Variants in GPC5 observed in about 807,000 individuals in gnomAD.
GPC5 encodes glypican 5, also known as glypican-5.
Under a neutral mutation model 53.9 loss-of-function variants are expected in GPC5, and 47 were observed. That is an observed-to-expected ratio of 0.87 (90% CI 0.69 to 1.11). The LOEUF is 1.11. Among genes scored for constraint, GPC5 ranks in the 50% most tolerant of loss-of-function variants. GPC5 has a pLI of 0.00. For missense variants in GPC5, 748 were observed against 713.1 expected (o/e 1.05, Z -0.56); for synonymous variants, 286 against 263.3 (o/e 1.09, Z -0.84).
chr13:92,351,839 C>G (rs1412632908), intron 7 of GPC5, among the ~76,000 whole-genome samples: 1 of 151,918 alleles, frequency 6.6e-6, no homozygotes, highest in African/African-American at 2.4e-5. Context: ...TTAGAGGAAC[C>G]AATTAAGACG....
In GPC5 at chr13:92,632,487, C is replaced by T. The variant is rs1025265868; in HGVS notation, c.1562-233795C>T. On this transcript the variant is annotated intron_variant, in intron 7 of 7. Coordinates refer to ENST00000377067, the MANE Select transcript of GPC5 (RefSeq NM_004466.6). The stretch of plus-strand genomic sequence containing the variant: ...ACATATATATATATATATATATATA[C>T]ACATATATATATGCACACACACATA... Among the ~76,000 whole-genome samples the T allele has an allele frequency of 7.7e-3, 558 of 72,920 alleles. 3 individuals are homozygous for T. The highest frequency in any genetic ancestry group is 0.028 in the African/African-American group (528 of 18,582). The allele number at this position is 72,920 out of a possible 152,430, so 47.8% of individuals were successfully genotyped here. A position where few individuals can be genotyped will look rare whatever the true frequency, so the allele number is the denominator to read the frequency against.
In GPC5 at chr13:92,282,385, A is replaced by G. The variant is rs140990724; in HGVS notation, c.1561+137396A>G. 6.5e-3 allele frequency among the ~76,000 whole-genome samples: 995 copies of G among 152,286 alleles called. 7 individuals are homozygous for G. Among genetic ancestry groups the G allele is most frequent in the African/African-American group, 0.023 (943 of 41,538 alleles). ...AGGCAGGCCAACATTCAAATTCAGGAAATACGGAGAACGCCACAAAGATAC... is the reference window on the plus strand; with the variant it reads ...AGGCAGGCCAACATTCAAATTCAGGGAATACGGAGAACGCCACAAAGATAC... On this transcript the variant is annotated intron_variant, in intron 7 of 7. Coordinates refer to ENST00000377067, the MANE Select transcript of GPC5 (RefSeq NM_004466.6).
At chr13:91,695,565 G>A (rs2035862888) in intron 3 of GPC5, among the ~76,000 whole-genome samples, 1 of 151,874 alleles carries the variant, frequency 6.6e-6, no homozygotes, top group African/African-American at 2.4e-5. Flanking sequence ...TTAGTAGAGA[G>A]GTGGTTTCAC....
intron 7 of GPC5, among the ~76,000 whole-genome samples, chr13:92,343,559 G>A (rs1460608500): frequency 1.3e-5 from 2 of 151,990 alleles, no homozygotes; most frequent in Non-Finnish European, 2.9e-5. Context: ...ATTTAGATAT[G>A]AATCAGAAAT....
chr13:92,235,861 A>G (rs1218104256), intron 7 of GPC5, among the ~76,000 whole-genome samples: 1 of 152,066 alleles, frequency 6.6e-6, no homozygotes. Context: ...TATTATTGAC[A>G]TAAGAGTAAT....
chr13:91,994,159 G>T (rs1658173230), intron 6 of GPC5, among the ~76,000 whole-genome samples: 1 of 152,168 alleles, frequency 6.6e-6, no homozygotes. Context: ...GTAAGAAAAG[G>T]CCAGTCCTCG....
At chr13:92,313,618 G>A (rs76747930) in intron 7 of GPC5, among the ~76,000 whole-genome samples, 51 of 152,186 alleles carry the variant, frequency 3.4e-4, no homozygotes, top group African/African-American at 1.2e-3. Context: ...TTTCTGTTTT[G>A]CCTGAGCAAT....
chr13:92,653,742 C>T (rs1334540696), intron 7 of GPC5, among the ~76,000 whole-genome samples: 1 of 152,136 alleles, frequency 6.6e-6, no homozygotes, highest in Non-Finnish European at 1.5e-5. Context: ...AAGTAAGTAG[C>T]AGAAATCAGG....
At chr13:92,019,757 G>A (rs1406317207) in intron 6 of GPC5, among the ~76,000 whole-genome samples, 2 of 151,878 alleles carry the variant, frequency 1.3e-5, no homozygotes, top group Admixed American at 1.3e-4. Flanking sequence ...ACATTCCTTG[G>A]ACTCTAAACA....
chr13:92,626,452 G>A (rs1885049013), intron 7 of GPC5, among the ~76,000 whole-genome samples: 1 of 152,080 alleles, frequency 6.6e-6, no homozygotes, highest in Non-Finnish European at 1.5e-5. Flanking sequence ...AAATGTGGAG[G>A]GAATATGAGC....
At chr13:92,396,842 T>C (rs1233247403) in intron 7 of GPC5, among the ~76,000 whole-genome samples, 1 of 152,228 alleles carries the variant, frequency 6.6e-6, no homozygotes, top group African/African-American at 2.4e-5. Context: ...TATCCCACTT[T>C]GGTGAGACAG....
At chr13:92,487,178 A>T (rs1325682501) in intron 7 of GPC5, among the ~76,000 whole-genome samples, 1 of 152,110 alleles carries the variant, frequency 6.6e-6, no homozygotes. Context: ...AGAAAGTCCT[A>T]TGGAGAGTGC....
At chr13:91,926,359 T>TA (rs34690525) in intron 6 of GPC5, among the ~76,000 whole-genome samples, 16,643 of 96,124 alleles carry the variant, frequency 0.17, 1,256 homozygotes, top group Admixed American at 0.19. Flanking sequence ...AGACTCCACC[T>TA]AAAAAAAAAA....
chr13:91,731,583 G>A (rs999634103), intron 4 of GPC5, among the ~76,000 whole-genome samples: 3 of 151,970 alleles, frequency 2.0e-5, no homozygotes, highest in African/African-American at 7.3e-5. Context: ...TGTTAAATGG[G>A]TGTATGTGTG....
chr13:91,720,338 A>G (rs1305737702), intron 3 of GPC5, among the ~76,000 whole-genome samples: 1 of 152,172 alleles, frequency 6.6e-6, no homozygotes, highest in Non-Finnish European at 1.5e-5. Context: ...CCAATGATGA[A>G]TTTTAGTCTT....
At chr13:92,635,510 T>C (rs532786779) in intron 7 of GPC5, among the ~76,000 whole-genome samples, 3 of 152,248 alleles carry the variant, frequency 2.0e-5, no homozygotes, top group African/African-American at 7.2e-5. Flanking sequence ...CTAAACTGAT[T>C]ATTTTATCAG....
At chr13:92,328,645 C>T (rs2043268201) in intron 7 of GPC5, among the ~76,000 whole-genome samples, 1 of 152,096 alleles carries the variant, frequency 6.6e-6, no homozygotes, top group Non-Finnish European at 1.5e-5. Context: ...AGACTTAGCC[C>T]AAGGTGTCCA....
At chr13:92,215,093 T>A (rs1875345213) in intron 7 of GPC5, among the ~76,000 whole-genome samples, 1 of 152,196 alleles carries the variant, frequency 6.6e-6, no homozygotes, top group Non-Finnish European at 1.5e-5. Flanking sequence ...CCACTAAGTT[T>A]TTGAAACCCT....
intron 7 of GPC5, among the ~76,000 whole-genome samples, chr13:92,524,418 A>G (rs1881196831): frequency 6.6e-6 from 1 of 152,124 alleles, no homozygotes; most frequent in South Asian, 2.1e-4. Flanking sequence ...AAGGAAAAAA[A>G]GTCTATCTAT....
Sources: allele counts gnomAD v4.1 joint callset (sites outside exome capture counted in the v4.1 genomes callset), GRCh38; gene constraint gnomAD v4.1.1; transcripts MANE v1.5; gene names NCBI Gene and HGNC (gene_info 2026-07-23, HGNC 2026-07-21).